FOXO3: variants seen among roughly 807,000 people sequenced by gnomAD.
The protein encoded by FOXO3 is forkhead box protein O3.
A neutral mutation model predicts 41.9 loss-of-function variants in FOXO3; 4 were observed. That is an observed-to-expected ratio of 0.10 (90% CI 0.05 to 0.22). The LOEUF is 0.22. Ranked by LOEUF, FOXO3 falls within the 10% of genes least tolerant of loss-of-function variation. The pLI is 1.00. For synonymous variants in FOXO3, 318 were observed against 389.3 expected, an observed-to-expected ratio of 0.82 and a Z score of 2.16; for missense variants, 534 against 906.8, an observed-to-expected ratio of 0.59 and a Z score of 5.28.
At chr6:108,591,240 C>T (rs1204648114) in intron 1 of FOXO3, among the ~76,000 whole-genome samples, 2 of 152,166 alleles carry the variant, frequency 1.3e-5, no homozygotes, top group African/African-American at 2.4e-5. Flanking sequence ...ATAACCAGGC[C>T]TGTTGTAGAC....
intron 1 of FOXO3, chr6:108,618,374 C>G (rs1777573589): frequency 1.9e-6 from 1 of 532,490 alleles, no homozygotes; most frequent in Non-Finnish European, 3.5e-6. Flanking sequence ...CCAGGAGCCA[C>G]AGAAGAAGGA....
At chr6:108,666,482 C>A (rs1400791970) in intron 2 of FOXO3, among the ~76,000 whole-genome samples, 1 of 151,744 alleles carries the variant, frequency 6.6e-6, no homozygotes, top group Non-Finnish European at 1.5e-5. Context: ...ACTACAGGCG[C>A]CCGCCACCAC....
chr6:108,623,293 G>T (rs1324026693), intron 1 of FOXO3, among the ~76,000 whole-genome samples: 1 of 152,194 alleles, frequency 6.6e-6, no homozygotes, highest in Non-Finnish European at 1.5e-5. Flanking sequence ...GGTCATTGGT[G>T]AGTGGATAGG....
intron 1 of FOXO3, among the ~76,000 whole-genome samples, chr6:108,582,999 A>T (rs1232646638): frequency 6.6e-6 from 1 of 152,156 alleles, no homozygotes; most frequent in African/African-American, 2.4e-5. Flanking sequence ...AGTGCCTTGG[A>T]TGTCATCTGA....
chr6:108,609,631 C>T (rs1326059017), intron 1 of FOXO3, among the ~76,000 whole-genome samples: 1 of 152,202 alleles, frequency 6.6e-6, no homozygotes, highest in East Asian at 1.9e-4. Flanking sequence ...TTTCTCGCTG[C>T]ATCTCTCTTT....
chr6:108,593,671 C>T (rs886197019), intron 1 of FOXO3, among the ~76,000 whole-genome samples: 19 of 148,774 alleles, frequency 1.3e-4, no homozygotes, highest in African/African-American at 4.5e-4. Context: ...AGCCACTGAA[C>T]CCGGCCGCCT....
intron 2 of FOXO3, among the ~76,000 whole-genome samples, chr6:108,671,068 C>T (rs1268647137): frequency 6.6e-6 from 1 of 152,206 alleles, no homozygotes; most frequent in Admixed American, 6.5e-5. Context: ...GACTGCCTTC[C>T]TCACAAGGTT....
chr6:108,560,891 G>C (rs926282708), upstream of FOXO3: 2 of 1,076,894 alleles, frequency 1.9e-6, no homozygotes, highest in African/African-American at 3.3e-5. Context: ...TTCGCTCGCG[G>C]CTCCATCGCG....
chr6:108,629,539 G>T (rs1054624987), intron 1 of FOXO3, among the ~76,000 whole-genome samples: 4 of 152,126 alleles, frequency 2.6e-5, no homozygotes, highest in Admixed American at 2.6e-4. Context: ...TGAAGTCAAA[G>T]GATGATAATA....
chr6:108,624,388 G>A (rs1028192234), intron 1 of FOXO3, among the ~76,000 whole-genome samples: 13 of 151,990 alleles, frequency 8.6e-5, no homozygotes, highest in Non-Finnish European at 1.3e-4. Flanking sequence ...GTCCAAAGAG[G>A]ATCAGGTTTT....
At chr6:108,665,328 T>A (rs763058896) in intron 2 of FOXO3, among the ~76,000 whole-genome samples, 37 of 152,216 alleles carry the variant, frequency 2.4e-4, no homozygotes, top group Non-Finnish European at 3.8e-4. Flanking sequence ...GTCACCGCTT[T>A]TGTCAATCTT....
intron 1 of FOXO3, among the ~76,000 whole-genome samples, chr6:108,595,695 TTCCC>T (rs1776863004): frequency 2.0e-5 from 3 of 152,212 alleles, no homozygotes; most frequent in Non-Finnish European, 4.4e-5. Flanking sequence ...CTTCCTACAT[TTCCC>T]ATTCCTAAGA....
rs1317637726 is a variant in FOXO3, at chr6:108,682,158, C to T, written c.*2366C>T. 6.6e-6 allele frequency: 1 copy of T among 152,618 alleles called. No homozygotes were observed. The highest frequency in any genetic ancestry group is 2.4e-5 in the African/African-American group (1 of 41,444). 9.5% of individuals were successfully genotyped at this position (152,618 alleles called of 1,614,324 possible). A position where few individuals can be genotyped will look rare whatever the true frequency, so the allele number is the denominator to read the frequency against. ...GCTGCTTTGGGAGTGAGAAAGGCAA[C>T]CCTCCAATGTGTTTCAACTTTAAAA... On this transcript the variant is annotated 3_prime_UTR_variant, in exon 3 of 3. Coordinates refer to ENST00000406360, the MANE Select transcript of FOXO3 (RefSeq NM_001455.4).
intron 1 of FOXO3, among the ~76,000 whole-genome samples, chr6:108,625,243 A>G (rs1045348585): frequency 4.6e-5 from 7 of 152,222 alleles, no homozygotes; most frequent in African/African-American, 1.7e-4. Context: ...TTTTATCTTA[A>G]TAATTGTTAT....
At chr6:108,622,795 G>A (rs1478001056) in intron 1 of FOXO3, among the ~76,000 whole-genome samples, 2 of 152,120 alleles carry the variant, frequency 1.3e-5, no homozygotes, top group African/African-American at 2.4e-5. Context: ...AGCAGCAATA[G>A]CAGAAGACGT....
chr6:108,674,987 A>T (rs1770526779), intron 2 of FOXO3, among the ~76,000 whole-genome samples: 1 of 152,140 alleles, frequency 6.6e-6, no homozygotes, highest in African/African-American at 2.4e-5. Context: ...TTTGCTATTG[A>T]CAGTAAATCA....
At chr6:108,661,257 C>T (rs1778842172) in intron 1 of FOXO3, among the ~76,000 whole-genome samples, 1 of 151,842 alleles carries the variant, frequency 6.6e-6, no homozygotes, top group African/African-American at 2.4e-5. Flanking sequence ...GCGGGGGGAA[C>T]ATTCTGGTAG....
intron 1 of FOXO3, among the ~76,000 whole-genome samples, chr6:108,661,157 A>G (rs1352758807): frequency 2.6e-5 from 4 of 151,710 alleles, no homozygotes; most frequent in African/African-American, 9.7e-5. Flanking sequence ...TGGGAGAATC[A>G]CTTGAACCCT....
At chr6:108,593,314 G>A (rs1029499817) in intron 1 of FOXO3, among the ~76,000 whole-genome samples, 3 of 152,176 alleles carry the variant, frequency 2.0e-5, no homozygotes, top group African/African-American at 7.2e-5. Flanking sequence ...GGTTAATTGG[G>A]CTTAAGGAAA....
Sources: gnomAD v4.1 joint callset for allele counts (sites outside exome capture counted in the v4.1 genomes callset) on GRCh38, gnomAD v4.1.1 for gene constraint, MANE v1.5 for transcripts, NCBI Gene and HGNC (gene_info 2026-07-23, HGNC 2026-07-21) for gene names.